USP43: variants seen among roughly 807,000 people sequenced by gnomAD.
USP43 encodes ubiquitin specific peptidase 43, also known as ubiquitin carboxyl-terminal hydrolase 43.
A neutral mutation model predicts 90.7 loss-of-function variants in USP43; 33 were observed. The ratio of observed to expected loss-of-function variants is 0.36; its 90% CI spans 0.28 to 0.49. The LOEUF (loss-of-function observed/expected upper bound fraction) is 0.49. Among genes scored for constraint, USP43 ranks in the 20% least tolerant of loss-of-function variants. The pLI is 0.98. For missense variants in USP43, 1,274 were observed against 1,476.4 expected, an observed-to-expected ratio of 0.86 and a Z score of 2.25; for synonymous variants, 598 against 615.8, an observed-to-expected ratio of 0.97 and a Z score of 0.43.
chr17:9,667,147 A>G (rs1913084118), intron 3 of USP43, among the ~76,000 whole-genome samples: 1 of 152,124 alleles, frequency 6.6e-6, no homozygotes, highest in Non-Finnish European at 1.5e-5. Context: ...GTTATGGAGG[A>G]TATAAAAATG....
intron 1 of USP43, among the ~76,000 whole-genome samples, chr17:9,649,728 A>G (rs1316096459): frequency 1.3e-5 from 2 of 151,726 alleles, no homozygotes; most frequent in African/African-American, 4.8e-5. Context: ...GAGATCTGTA[A>G]TTTTAACCCC....
At position 9,646,124 on chromosome 17, in the gene USP43, C is replaced by T. The variant is rs3744756; in HGVS notation, c.492C>T (p.Ser164=). 54,243 of 1,470,196 alleles carry T rather than the reference C, an allele frequency of 0.037. 6,382 individuals carry two copies. The East Asian group carries it at 0.39, about 10-fold the overall frequency. The allele number at this position is 1,470,196 out of a possible 1,614,324, so 91.1% of individuals were successfully genotyped here. A position where few individuals can be genotyped will look rare whatever the true frequency, so the allele number is the denominator to read the frequency against. The change falls in exon 1 of 15, where the codon TCC becomes TCT. Residue 164 remains serine (S), a synonymous_variant. Coordinates refer to ENST00000285199, the MANE Select transcript of USP43 (RefSeq NM_153210.5). ...CTCGCGAATACACGCCCCAACTTTC[C>T]GCGGAGTTCAAGGTAGGCAGCGCTG... ...LWTREYTPQL[S]AEFKNAVSKY... is the part of the protein sequence containing the mutation.
rs562427085 is a variant in USP43 at position 9,724,449 on chromosome 17, G to A, written c.2336-3505G>A. Among the ~76,000 whole-genome samples the A allele has an allele frequency of 7.2e-5, 11 of 152,274 alleles. No individual in the cohort carries two copies. In the South Asian group the frequency reaches 2.3e-3, roughly 32 times the overall value. The stretch of plus-strand genomic sequence containing the variant: ...AATCCCAGCACTTTGAGAGGTCGAG[G>A]CGGGTGGATCACCTGAGGTCAGGAG... On this transcript the variant is annotated intron_variant, in intron 14 of 14. Transcript: ENST00000285199.
chr17:9,662,611 C>A (rs1029357181), intron 2 of USP43, among the ~76,000 whole-genome samples: 1 of 152,048 alleles, frequency 6.6e-6, no homozygotes, highest in African/African-American at 2.4e-5. Context: ...GTTTCCTGAA[C>A]CCTTGAGCCT....
At chr17:9,704,136 T>C (rs1399714223) in intron 12 of USP43, among the ~76,000 whole-genome samples, 1 of 152,176 alleles carries the variant, frequency 6.6e-6, no homozygotes, top group Non-Finnish European at 1.5e-5. Context: ...TAGGATAGGA[T>C]ATATTTTTCT....
At chr17:9,714,539 T>C (rs1833957220) in intron 14 of USP43, among the ~76,000 whole-genome samples, 1 of 151,264 alleles carries the variant, frequency 6.6e-6, no homozygotes, top group Non-Finnish European at 1.5e-5. Context: ...AAAAATTAGC[T>C]GGGCATGGTG....
At chr17:9,681,179 A>AGT (rs1326493247) in intron 6 of USP43, among the ~76,000 whole-genome samples, 732 of 57,724 alleles carry the variant, frequency 0.013, 99 homozygotes, top group African/African-American at 0.07. Context: ...TATACTATAT[A>AGT]ATATACTATA....
At chr17:9,699,290 T>C (rs1278246266) in intron 9 of USP43, among the ~76,000 whole-genome samples, 3 of 151,440 alleles carry the variant, frequency 2.0e-5, no homozygotes, top group African/African-American at 2.4e-5. Context: ...TCAGTGTTTT[T>C]CCCAATGCAT....
chr17:9,719,800 C>T (rs1304729782), intron 14 of USP43, among the ~76,000 whole-genome samples: 2 of 152,232 alleles, frequency 1.3e-5, no homozygotes, highest in Non-Finnish European at 2.9e-5. Context: ...GACGTGGTGG[C>T]TCATGCCTGT....
chr17:9,686,654 G>T lies in USP43; in HGVS notation c.1242-144G>T, dbSNP rs550058580. 1.1e-4 allele frequency: 72 copies of T among 641,742 alleles called. 1 individual carries two copies. The highest frequency in any genetic ancestry group is 4.5e-4 in the East Asian group (16 of 35,552). The allele number at this position is 641,742 out of a possible 1,614,324, so 39.8% of individuals were successfully genotyped here. On this transcript the variant is annotated intron_variant, in intron 7 of 14. Coordinates refer to ENST00000285199, the MANE Select transcript of USP43 (RefSeq NM_153210.5). The surrounding 1 kb of genome is among the most constrained non-coding windows in gnomAD (Gnocchi z 5.5). ...GCCCATTTTTAAATGGGATTCTTTG[G>T]TTTTTTTTGCTGTTGAGTTTTTGTG...
At chr17:9,681,462 T>TTTTTA (rs1491455898) in intron 6 of USP43, among the ~76,000 whole-genome samples, 3 of 18,578 alleles carry the variant, frequency 1.6e-4, no homozygotes, top group African/African-American at 7.9e-4. Context: ...ATAAAATATA[T>TTTTTA]TATATATATA....
At chr17:9,645,449 C>A (rs1272872366), upstream of USP43, 2 of 437,278 alleles carry the variant, frequency 4.6e-6, no homozygotes, top group Non-Finnish European at 6.8e-6. The surrounding 1 kb of genome is among the most constrained non-coding windows in gnomAD (Gnocchi z 6.8). Context: ...GGGGGCTGGT[C>A]GTGCCGCCGG....
At chr17:9,725,980 A>G (rs1248424336) in intron 14 of USP43, among the ~76,000 whole-genome samples, 1 of 152,212 alleles carries the variant, frequency 6.6e-6, no homozygotes, top group East Asian at 1.9e-4. Flanking sequence ...AATAAGGTCA[A>G]TCTAAACCAA....
At chr17:9,724,285 G>A (rs1661554309) in intron 14 of USP43, among the ~76,000 whole-genome samples, 1 of 152,106 alleles carries the variant, frequency 6.6e-6, no homozygotes, top group South Asian at 2.1e-4. Context: ...ACCTTAACGG[G>A]GACCAGAGGA....
chr17:9,715,568 CTG>C (rs763063057), intron 14 of USP43, among the ~76,000 whole-genome samples: 11 of 143,980 alleles, frequency 7.6e-5, no homozygotes, highest in South Asian at 4.6e-4. Context: ...GTGTGTGTCT[CTG>C]TGTGTGTGTC....
intron 13 of USP43, 126 bp from the exon 14 acceptor site, chr17:9,711,842 G>T (rs1916213383): frequency 2.6e-6 from 3 of 1,140,300 alleles, no homozygotes; most frequent in East Asian, 5.9e-5. Context: ...CTGCAGTTCT[G>T]TTCTGGTTCT....
At chr17:9,684,535 G>A (rs955435006) in intron 7 of USP43, among the ~76,000 whole-genome samples, 26 of 151,570 alleles carry the variant, frequency 1.7e-4, no homozygotes, top group Admixed American at 1.5e-3. Flanking sequence ...AGGCTGAGGC[G>A]GGCGGATCAC....
intron 14 of USP43, among the ~76,000 whole-genome samples, chr17:9,720,381 A>G (rs1329303025): frequency 6.9e-6 from 1 of 144,750 alleles, no homozygotes; most frequent in Non-Finnish European, 1.5e-5. Context: ...TTTTTTTTTA[A>G]TTCTTACTAA....
chr17:9,666,603 T>G, intron 2 of USP43, 45 bp from the exon 3 acceptor site: 22 of 1,491,440 alleles, frequency 1.5e-5, no homozygotes, highest in Non-Finnish European at 2.0e-5. Flanking sequence ...AGTTGAGTGA[T>G]GAGAGGTGTA....
Sources: gnomAD v4.1 joint callset for allele counts (sites outside exome capture counted in the v4.1 genomes callset) on GRCh38, gnomAD v4.1.1 for gene constraint, Gnocchi (gnomAD v3.1) non-coding constraint, MANE v1.5 for transcripts, NCBI Gene and HGNC (gene_info 2026-07-23, HGNC 2026-07-21) for gene names.